ODAD2: variants seen among roughly 807,000 people sequenced by gnomAD.
ODAD2 encodes the protein outer dynein arm docking complex subunit 2.
ODAD2 carries 89 observed loss-of-function variants against 106.8 expected under a neutral mutation model. The observed-to-expected ratio is 0.83, with a 90% CI of 0.70 to 0.99. The LOEUF is 0.99. Ranked by LOEUF, ODAD2 falls within the 50% of genes least tolerant of loss-of-function variation. ODAD2 has a pLI of 0.00. For synonymous variants in ODAD2, 404 were observed against 436.2 expected (o/e 0.93, Z 0.92); for missense variants, 1,168 against 1,238.5 (o/e 0.94, Z 0.85).
chr10:27,937,132 A>G (rs1846042292), intron 14 of ODAD2, among the ~76,000 whole-genome samples: 1 of 152,118 alleles, frequency 6.6e-6, no homozygotes, highest in African/African-American at 2.4e-5. Flanking sequence ...CAGTTTTGAG[A>G]TAGCCTAGGC....
Position 27,975,344 on chromosome 10 carries a change from C to A in ODAD2, c.937-4031G>T, listed in dbSNP as rs1166014420. On this transcript the variant is annotated intron_variant, in intron 7 of 19. Coordinates refer to ENST00000305242, the MANE Select transcript of ODAD2 (RefSeq NM_018076.5). ...TAAAGTATAAAAGATAAAAATTAAA[C>A]CTAAAACTAGTTCCTCGAGGAAATT... Among the ~76,000 whole-genome samples, 5 of 152,088 alleles carry A rather than the reference C, an allele frequency of 3.3e-5. No homozygotes were observed. In the East Asian group the frequency reaches 9.7e-4, roughly 29 times the overall value.
At chr10:27,848,876 G>A (rs1430281785) in intron 19 of ODAD2, among the ~76,000 whole-genome samples, 1 of 152,156 alleles carries the variant, frequency 6.6e-6, no homozygotes, top group Non-Finnish European at 1.5e-5. Context: ...CAGTTAGAAT[G>A]GCGATCATTA....
chr10:27,899,321 A>G (rs942888654), intron 17 of ODAD2, among the ~76,000 whole-genome samples: 2 of 152,134 alleles, frequency 1.3e-5, no homozygotes, highest in Non-Finnish European at 2.9e-5. Context: ...CAACCCGCAG[A>G]CCAGGAGATT....
rs139852646 is a variant in ODAD2, at chr10:27,922,354, T to C, written c.2495+12656A>G. Among the ~76,000 whole-genome samples the C allele has an allele frequency of 1.0e-3, 153 of 152,140 alleles. 4 individuals are homozygous for C. In the East Asian group the frequency reaches 0.026, roughly 26 times the overall value. ...AGGGATGAGCTCCAAACTAAGACTA[T>C]AGAACTTAAGCTAATTGAATCACAT... On this transcript the variant is annotated intron_variant, in intron 16 of 19. Coordinates refer to ENST00000305242, the MANE Select transcript of ODAD2 (RefSeq NM_018076.5).
intron 4 of ODAD2, among the ~76,000 whole-genome samples, chr10:27,984,526 A>G (rs1588662379): frequency 3.9e-5 from 6 of 152,352 alleles, no homozygotes; most frequent in Admixed American, 3.9e-4. Flanking sequence ...TGCTGATAAT[A>G]TTCTAACACT....
At chr10:27,856,269 GGATT>G (rs1428105343) in intron 19 of ODAD2, among the ~76,000 whole-genome samples, 4 of 151,028 alleles carry the variant, frequency 2.6e-5, no homozygotes, top group African/African-American at 9.7e-5. Flanking sequence ...GTATTGGAGG[GGATT>G]GATTAACACA....
At chr10:27,892,059 C>G (rs1054677912) in intron 17 of ODAD2, among the ~76,000 whole-genome samples, 1 of 151,534 alleles carries the variant, frequency 6.6e-6, no homozygotes, top group South Asian at 2.1e-4. Context: ...TGTGTTTGAT[C>G]GTTCAGCTTG....
intron 17 of ODAD2, among the ~76,000 whole-genome samples, chr10:27,893,676 C>A (rs1267257985): frequency 6.6e-6 from 1 of 152,176 alleles, no homozygotes; most frequent in Non-Finnish European, 1.5e-5. Flanking sequence ...AAAGGCAATT[C>A]TTTCCTAGAA....
At chr10:27,818,699 A>G (rs1836346061) in intron 19 of ODAD2, among the ~76,000 whole-genome samples, 1 of 152,140 alleles carries the variant, frequency 6.6e-6, no homozygotes. Context: ...ACTCCACCTA[A>G]TATCTACCTC....
intron 19 of ODAD2, 37 bp from the exon 20 acceptor site, chr10:27,812,662 A>G (rs748946300): frequency 6.5e-7 from 1 of 1,539,070 alleles, no homozygotes; most frequent in Admixed American, 2.4e-5. Context: ...GGACACAAGA[A>G]TAAAAACATT....
intron 19 of ODAD2, among the ~76,000 whole-genome samples, chr10:27,841,549 C>T (rs978377187): frequency 4.6e-5 from 7 of 152,066 alleles, no homozygotes; most frequent in African/African-American, 1.7e-4. Context: ...GTGCCCGCCA[C>T]CATGCCCGGC....
At chr10:27,877,019 G>A (rs769255131) in intron 17 of ODAD2, among the ~76,000 whole-genome samples, 6 of 152,048 alleles carry the variant, frequency 3.9e-5, no homozygotes, top group Non-Finnish European at 5.9e-5. Flanking sequence ...TGGGATATAG[G>A]CTCATGTCTA....
chr10:27,963,611 C>G (rs937833986), intron 9 of ODAD2, among the ~76,000 whole-genome samples: 7 of 149,098 alleles, frequency 4.7e-5, no homozygotes, highest in African/African-American at 1.5e-4. Context: ...CTGGACTTAA[C>G]TTGTTGCTAA....
At chr10:27,825,289 C>G (rs147269040) in intron 19 of ODAD2, among the ~76,000 whole-genome samples, 1 of 152,280 alleles carries the variant, frequency 6.6e-6, no homozygotes, top group African/African-American at 2.4e-5. Flanking sequence ...GTTCTCAATA[C>G]GCAAAAAGAT....
chr10:27,875,733 A>G (rs2991939), intron 17 of ODAD2, among the ~76,000 whole-genome samples: 151,428 of 152,264 alleles, frequency 0.99, 75,301 homozygotes, highest in East Asian at 1. Context: ...AGCATGAGCC[A>G]AAGCAGGGCA....
At chr10:27,993,974 A>ATGTG (rs56017872) in intron 2 of ODAD2, among the ~76,000 whole-genome samples, 42,427 of 140,496 alleles carry the variant, frequency 0.3, 7,362 homozygotes, top group East Asian at 0.39. Context: ...ATATATATAT[A>ATGTG]TGTGTGTGTG....
rs1334260553 is a variant in ODAD2 at position 27,995,070 on chromosome 10, G to A, written c.73C>T (p.Pro25Ser). 8 of 1,613,934 alleles carry A rather than the reference G, an allele frequency of 5.0e-6. No homozygotes were observed. The highest frequency in any genetic ancestry group is 6.8e-6 in the Non-Finnish European group (8 of 1,180,034). Residue 25 changes from proline to serine, a missense_variant, in exon 2 of 20, where the codon CCT becomes TCT. By Grantham distance (74) the Pro-to-Ser change is moderately conservative. Transcript: ENST00000305242. ...TCTTTCAATATCGCTTCATTTAGAG[G>A]GGTGATTTCGAGGATTCCAGTTCCA... is the stretch of plus-strand genomic sequence containing the variant. ...GHGTGILEIT[P>S]LNEAILKEII...
Position 27,939,635 on chromosome 10 carries a change from G to A in ODAD2, c.2097+262C>T, listed in dbSNP as rs960855113. On this transcript the variant is annotated intron_variant, in intron 14 of 19. Transcript: ENST00000305242. ...CACCTGAAGTGCCGGCTACTTGGGA[G>A]GCAGAGATGGGAGGATCACTTCAGC... Among the ~76,000 whole-genome samples the A allele has an allele frequency of 2.0e-5, 3 of 152,238 alleles. 1 individual carries two copies. Among genetic ancestry groups the A allele is most frequent in the Admixed American group, 2.0e-4 (3 of 15,286 alleles).
intron 17 of ODAD2, among the ~76,000 whole-genome samples, chr10:27,900,095 A>C (rs1282957233): frequency 6.6e-6 from 1 of 152,252 alleles, no homozygotes; most frequent in East Asian, 1.9e-4. Context: ...GTGCCCCTCT[A>C]GGACAAAGCT....
Sources: allele counts gnomAD v4.1 joint callset (sites outside exome capture counted in the v4.1 genomes callset), GRCh38; gene constraint gnomAD v4.1.1; transcripts MANE v1.5; gene names NCBI Gene and HGNC (gene_info 2026-07-23, HGNC 2026-07-21).